Variants in CCNA2 observed in about 807,000 individuals in gnomAD.
CCNA2 encodes the protein cyclin-A2.
A neutral mutation model predicts 49.4 loss-of-function variants in CCNA2; 3 were observed. That is an observed-to-expected ratio of 0.06 (90% confidence interval 0.03 to 0.16). The LOEUF is 0.16. CCNA2 is among the 10% of genes least tolerant of loss of function. CCNA2 has a pLI of 1.00. For missense variants in CCNA2, 372 were observed against 519.7 expected (o/e 0.72, Z 2.76); for synonymous variants, 206 against 197.2 (o/e 1.04, Z -0.37).
chr4:121,820,448 C>T lies in CCNA2; in HGVS notation c.794+94G>A, dbSNP rs1455889286. ...ATCCCTAAAGTAGTCACTGACTCTG[C>T]CTGGTGTATGTTAAAAGGTCACCAT... On this transcript the variant is annotated intron_variant, in intron 4 of 7. Transcript: ENST00000274026. This position sits in a 1 kb window ranked among gnomAD's most constrained non-coding sequence, Gnocchi z 4.1. The T allele has an allele frequency of 2.4e-6, 2 of 827,252 alleles. No homozygotes were observed. Among genetic ancestry groups the T allele is most frequent in the East Asian group, 2.6e-5 (1 of 39,126 alleles). The allele number at this position is 827,252 out of a possible 1,614,324, so 51.2% of individuals were successfully genotyped here.
Position 121,816,807 on chromosome 4 carries a change from C to A in CCNA2, c.*831G>T. 1 of 1,601,150 alleles carries A rather than the reference C, an allele frequency of 6.2e-7. No homozygotes were observed. Among genetic ancestry groups the A allele is most frequent in the Non-Finnish European group, 8.5e-7 (1 of 1,173,204 alleles). ...ACCAGTGCAAAACAAGAAAAAGCAC[C>A]AAGTAAAAAGCCAGTGAAAAGAAGA... On this transcript the variant is annotated 3_prime_UTR_variant, in exon 8 of 8. Coordinates refer to ENST00000274026, the MANE Select transcript of CCNA2 (RefSeq NM_001237.5).
In CCNA2 at chr4:121,823,451, C is replaced by G. The variant is rs1295472620; in HGVS notation, c.178G>C (p.Gly60Arg). 1 of 1,613,330 alleles carries G rather than the reference C, an allele frequency of 6.2e-7. No individual in the cohort carries two copies. Among genetic ancestry groups the G allele is most frequent in the Non-Finnish European group, 8.5e-7 (1 of 1,179,820 alleles). The change falls in exon 1 of 8, where the codon GGT becomes CGT. Residue 60 changes from glycine (G) to arginine (R), a missense_variant. Transcript: ENST00000274026. ...TTCGGCCTCTGCTGCTGCGCTAGAC[C>G]CCGCGGGTTCCCGGACTTCAGTACC... ...LAVLKSGNPR[G>R]LAQQQRPKTR...
In CCNA2 at chr4:121,821,091, T is replaced by G. The variant is rs1724681703; in HGVS notation, c.458A>C (p.Glu153Ala). 1 of 1,606,096 alleles carries G rather than the reference T, an allele frequency of 6.2e-7. No individual in the cohort carries two copies. The highest frequency in any genetic ancestry group is 1.1e-5 in the South Asian group (1 of 88,812). Residue 153 changes from glutamate (E) to alanine (A), a missense_variant and splice_region_variant, in exon 3 of 8, where the codon GAG becomes GCG. Glu to Ala is a moderately radical substitution (Grantham distance 107). Transcript: ENST00000274026. ...TGACATGTCCATAGTATGTGGTGAC[T>G]CTGGGACAATTCAAAAGATATGATT... The part of the protein sequence containing the change: ...PLDYPMDGSF[E>A]SPHTMDMSII...
chr4:121,819,267 TCAC>T lies in CCNA2; in HGVS notation c.1002+102_1002+104del, dbSNP rs540055881. On this transcript the variant is annotated intron_variant, in intron 5 of 7. Coordinates refer to ENST00000274026, the MANE Select transcript of CCNA2 (RefSeq NM_001237.5). ...ATCTCCCTCTGAATACTAAATCTCTTCACCACTGCTGTACAAAGGAACTAGGTT... is the reference window on the plus strand; with the variant it reads ...ATCTCCCTCTGAATACTAAATCTCTTCACTGCTGTACAAAGGAACTAGGTT... The T allele has an allele frequency of 5.1e-4, 396 of 783,428 alleles. No homozygotes were observed. The Middle Eastern group carries it at 5.9e-3, about 12-fold the overall frequency. The allele number at this position is 783,428 out of a possible 1,614,324, so 48.5% of individuals were successfully genotyped here.
Position 121,823,706 on chromosome 4 carries a change from C to A in CCNA2, c.-78G>T. On this transcript the variant is annotated 5_prime_UTR_variant, in exon 1 of 8. Coordinates refer to ENST00000274026, the MANE Select transcript of CCNA2 (RefSeq NM_001237.5). ...CACTCTGCCCAGCCGACCACTCGCA[C>A]CGACCCGGCCAAAGAATAGTCGTAG... 1 of 1,469,990 alleles carries A rather than the reference C, an allele frequency of 6.8e-7. No individual in the cohort carries two copies. The highest frequency in any genetic ancestry group is 1.4e-5 in the African/African-American group (1 of 71,510). 91.1% of individuals were successfully genotyped at this position (1,469,990 alleles called of 1,614,324 possible).
chr4:121,821,321 G>A, intron 2 of CCNA2, among the ~76,000 whole-genome samples: 1 of 151,538 alleles, frequency 6.6e-6, no homozygotes, highest in African/African-American at 2.4e-5. Flanking sequence ...AAAACATATT[G>A]GTAGGCCCCT....
At position 121,817,610 on chromosome 4, in the gene CCNA2, C is replaced by G. The variant is rs1322042871; in HGVS notation, c.*28G>C. On this transcript the variant is annotated 3_prime_UTR_variant, in exon 8 of 8. Transcript: ENST00000274026. Reference sequence around the variant, plus strand: ...ACCATATACTTTGAGTGATTTACATCTTAGAAAACAAAGGCAGTCTTTCAT... The same window carrying G: ...ACCATATACTTTGAGTGATTTACATGTTAGAAAACAAAGGCAGTCTTTCAT... 1.9e-6 allele frequency: 3 copies of G among 1,613,244 alleles called. No homozygotes were observed. The highest frequency in any genetic ancestry group is 1.7e-6 in the Non-Finnish European group (2 of 1,179,580).
Position 121,817,022 on chromosome 4 carries a change from T to C in CCNA2, c.*616A>G. The C allele has an allele frequency of 1.5e-6, 1 of 684,446 alleles. No individual in the cohort carries two copies. The highest frequency in any genetic ancestry group is 2.3e-6 in the Non-Finnish European group (1 of 437,194). The allele number at this position is 684,446 out of a possible 1,614,324, so 42.4% of individuals were successfully genotyped here. On this transcript the variant is annotated 3_prime_UTR_variant, in exon 8 of 8. Coordinates refer to ENST00000274026, the MANE Select transcript of CCNA2 (RefSeq NM_001237.5). ...TTAAAATAATAAACCTTCTGGAGCATTTCTCGTCTGTTAATTTGCATATAA... is the reference window on the plus strand; with the variant it reads ...TTAAAATAATAAACCTTCTGGAGCACTTCTCGTCTGTTAATTTGCATATAA...
rs1048334706 is a variant in CCNA2 at position 121,820,253 on chromosome 4, TAA to T, written c.794+287_794+288del. The stretch of plus-strand genomic sequence containing the variant: ...ACCGCACCCAGCCTTTACTTCTTAA[TAA>T]AAGAGACACTGCTTATATGCCAGAA... On this transcript the variant is annotated intron_variant, in intron 4 of 7. Coordinates refer to ENST00000274026, the MANE Select transcript of CCNA2 (RefSeq NM_001237.5). This position sits in a 1 kb window ranked among gnomAD's most constrained non-coding sequence, Gnocchi z 4.1. 6.6e-6 allele frequency among the ~76,000 whole-genome samples: 1 copy of T among 152,168 alleles called. No individual in the cohort carries two copies. Among genetic ancestry groups the T allele is most frequent in the African/African-American group, 2.4e-5 (1 of 41,438 alleles).
intron 2 of CCNA2, 131 bp from the exon 3 acceptor site, chr4:121,821,222 T>A: frequency 9.0e-7 from 1 of 1,108,794 alleles, no homozygotes; most frequent in Non-Finnish European, 1.2e-6. Flanking sequence ...GAGCTTCTCA[T>A]GACAAAATAT....
chr4:121,816,463 T>A lies in CCNA2; in HGVS notation c.*1175A>T. On this transcript the variant is annotated 3_prime_UTR_variant, in exon 8 of 8. Coordinates refer to ENST00000274026, the MANE Select transcript of CCNA2 (RefSeq NM_001237.5). ...AGAAAATAAGGTAACAAATTTCTGG[T>A]TTATTTCAAATGTATACATATACTC... is the stretch of plus-strand genomic sequence containing the variant. 1 of 1,504,678 alleles carries A rather than the reference T, an allele frequency of 6.6e-7. No homozygotes were observed. The highest frequency in any genetic ancestry group is 9.0e-7 in the Non-Finnish European group (1 of 1,105,570). The allele number at this position is 1,504,678 out of a possible 1,614,324, so 93.2% of individuals were successfully genotyped here.
At position 121,816,522 on chromosome 4, in the gene CCNA2, C is replaced by T; in HGVS notation, c.*1116G>A. ...TAGAGGTTTGCTCTCTGGTTTTACT[C>T]TCATCTTGCCACATGACTATAAACA... On this transcript the variant is annotated 3_prime_UTR_variant, in exon 8 of 8. Transcript: ENST00000274026. 1.0e-6 allele frequency: 1 copy of T among 987,648 alleles called. No homozygotes were observed. The highest frequency in any genetic ancestry group is 1.7e-5 in the South Asian group (1 of 59,208). The allele number at this position is 987,648 out of a possible 1,614,324, so 61.2% of individuals were successfully genotyped here. A position where few individuals can be genotyped will look rare whatever the true frequency, so the allele number is the denominator to read the frequency against.
Position 121,823,432 on chromosome 4 carries a change from C to T in CCNA2, c.197G>A (p.Arg66Lys). The T allele has an allele frequency of 6.2e-7, 1 of 1,612,370 alleles. No individual in the cohort carries two copies. Among genetic ancestry groups the T allele is most frequent in the Non-Finnish European group, 8.5e-7 (1 of 1,179,142 alleles). The change falls in exon 1 of 8, where the codon AGG becomes AAG. Residue 66 changes from arginine to lysine, a missense_variant. Transcript: ENST00000274026. ...TCCCTTTACCCGTCTCGTCTTCGGC[C>T]TCTGCTGCTGCGCTAGACCCCGCGG... ...GNPRGLAQQQ[R>K]PKTRRVAPLK...
intron 2 of CCNA2, 62 bp downstream of exon 2, chr4:121,822,341 C>T: frequency 1.3e-6 from 2 of 1,500,254 alleles, no homozygotes; most frequent in South Asian, 2.4e-5. Context: ...AAATGCAAAT[C>T]ATTAATATCA....
In CCNA2 at chr4:121,816,608, T is replaced by C. The variant is rs1208635091; in HGVS notation, c.*1030A>G. The C allele has an allele frequency of 1.2e-6, 1 of 833,130 alleles. No homozygotes were observed. Among genetic ancestry groups the C allele is most frequent in the South Asian group, 2.2e-5 (1 of 44,644 alleles). The allele number at this position is 833,130 out of a possible 1,614,324, so 51.6% of individuals were successfully genotyped here. On this transcript the variant is annotated 3_prime_UTR_variant, in exon 8 of 8. Coordinates refer to ENST00000274026, the MANE Select transcript of CCNA2 (RefSeq NM_001237.5). Reference sequence around the variant, plus strand: ...TCTGTGATTTTTTTACCTTGTGATTTATAAAAATTAGGACCTAAATCTATA... The same window carrying C: ...TCTGTGATTTTTTTACCTTGTGATTCATAAAAATTAGGACCTAAATCTATA...
intron 7 of CCNA2, 135 bp from the exon 8 acceptor site, chr4:121,817,821 C>A: frequency 1.6e-6 from 2 of 1,281,994 alleles, no homozygotes; most frequent in Non-Finnish European, 2.2e-6. Flanking sequence ...GTTTTAGAAA[C>A]ACTGTCTGGT....
At position 121,823,844 on chromosome 4, in the gene CCNA2, G is replaced by A. The variant is rs1724769317; in HGVS notation, c.-216C>T. The A allele has an allele frequency of 2.4e-6, 2 of 830,872 alleles. No individual in the cohort carries two copies. Among genetic ancestry groups the A allele is most frequent in the African/African-American group, 1.8e-5 (1 of 55,002 alleles). 51.5% of individuals were successfully genotyped at this position (830,872 alleles called of 1,614,324 possible). On this transcript the variant is annotated 5_prime_UTR_variant, in exon 1 of 8. Transcript: ENST00000274026. ...GCGCAGGCAGGCACTGCCCAGCGTG[G>A]CGAGCCAAAGACGCCCAGAGATGCA...
intron 7 of CCNA2, 96 bp downstream of exon 7, chr4:121,817,921 TAACCAATTTAGAGAACAGCTTCTCAAG>T: frequency 8.9e-7 from 1 of 1,126,484 alleles, no homozygotes; most frequent in Non-Finnish European, 1.3e-6. Context: ...TTCAAACACA[TAACCAATTTAGAGAACAGCTTCTCAAG>T]GAGGCTATGG....
chr4:121,822,703 T>C lies in CCNA2; in HGVS notation c.214-57A>G, dbSNP rs1217804784. On this transcript the variant is annotated intron_variant, in intron 1 of 7. Coordinates refer to ENST00000274026, the MANE Select transcript of CCNA2 (RefSeq NM_001237.5). ...TACTAGTCTTGCATTCTTTCTCTTA[T>C]GGGTGTTGGCCTTTGCTTTTTCTCC... is the stretch of plus-strand genomic sequence containing the variant. 10 of 1,568,710 alleles carry C rather than the reference T, an allele frequency of 6.4e-6. No homozygotes were observed. In the South Asian group the frequency reaches 6.9e-5, roughly 11 times the overall value.
Sources: allele counts gnomAD v4.1 joint callset (sites outside exome capture counted in the v4.1 genomes callset), GRCh38; gene constraint gnomAD v4.1.1; non-coding constraint Gnocchi (gnomAD v3.1); transcripts MANE v1.5; gene names NCBI Gene and HGNC (gene_info 2026-07-23, HGNC 2026-07-21).